SCARA5: variants seen among roughly 807,000 people sequenced by gnomAD.
SCARA5 encodes scavenger receptor class A, member 5 (putative).
Under a neutral mutation model 46.3 loss-of-function variants are expected in SCARA5, and 45 were observed. The observed-to-expected ratio is 0.97, with a 90% CI of 0.76 to 1.24. The LOEUF (loss-of-function observed/expected upper bound fraction) is 1.24, where lower values mean the gene tolerates loss of function less well. SCARA5 is among the 50% of genes most tolerant of loss of function. The probability of loss-of-function intolerance (pLI) is 0.00; values close to 1 mark genes in which losing one functional copy is unlikely to be tolerated. For missense variants in SCARA5, 680 were observed against 689.0 expected (o/e 0.99, Z 0.15); for synonymous variants, 333 against 306.5 (o/e 1.09, Z -0.90).
At chr8:27,926,831 G>T (rs1368590416) in intron 3 of SCARA5, among the ~76,000 whole-genome samples, 1 of 152,084 alleles carries the variant, frequency 6.6e-6, no homozygotes, top group Admixed American at 6.5e-5. Context: ...ATGTAGGCTG[G>T]AGCTGGCCAC....
chr8:27,937,210 C>T (rs1807872602), intron 3 of SCARA5, among the ~76,000 whole-genome samples: 1 of 152,132 alleles, frequency 6.6e-6, no homozygotes, highest in Non-Finnish European at 1.5e-5. Context: ...AAGGAAAAAC[C>T]AAGTTCCAGG....
intron 7 of SCARA5, among the ~76,000 whole-genome samples, chr8:27,895,555 G>C (rs1807050473): frequency 6.6e-6 from 1 of 152,192 alleles, no homozygotes; most frequent in African/African-American, 2.4e-5. Context: ...TGGGGTCTTT[G>C]CTGTCCTCCC....
At chr8:27,981,243 T>A (rs995607665) in intron 2 of SCARA5, among the ~76,000 whole-genome samples, 3 of 152,094 alleles carry the variant, frequency 2.0e-5, no homozygotes, top group Non-Finnish European at 2.9e-5. Context: ...TTAGGACACA[T>A]CACAGGGTTT....
chr8:27,878,327 G>T (rs1176864664), intron 8 of SCARA5, among the ~76,000 whole-genome samples: 1 of 152,168 alleles, frequency 6.6e-6, no homozygotes, highest in Admixed American at 6.5e-5. Flanking sequence ...GAAGCAACAG[G>T]GCCAGGACAT....
intron 2 of SCARA5, among the ~76,000 whole-genome samples, chr8:27,969,923 G>A (rs1157171546): frequency 6.6e-6 from 1 of 152,166 alleles, no homozygotes; most frequent in African/African-American, 2.4e-5. Flanking sequence ...CTGTGGAAAA[G>A]CCCCACTCTG....
In SCARA5 at chr8:27,978,444, A is replaced by G. The variant is rs185396739; in HGVS notation, c.112+9060T>C. On this transcript the variant is annotated intron_variant, in intron 2 of 8. Transcript: ENST00000354914. ...GCTGCTCTAGAAAGGCTTTTCACCA[A>G]TCACTGAAATCTAAATCCCATGTTC... Among the ~76,000 whole-genome samples, 246 of 152,196 alleles carry G rather than the reference A, an allele frequency of 1.6e-3. 2 individuals are homozygous for G. The highest frequency in any genetic ancestry group is 5.0e-3 in the African/African-American group (207 of 41,522).
chr8:27,977,176 C>T (rs552964094), intron 2 of SCARA5, among the ~76,000 whole-genome samples: 8 of 152,326 alleles, frequency 5.3e-5, no homozygotes, highest in Admixed American at 1.3e-4. Flanking sequence ...ATCCCACCCA[C>T]GTGGGCTCCA....
intron 7 of SCARA5, among the ~76,000 whole-genome samples, chr8:27,888,742 AG>A (rs200225516): frequency 0.01 from 1,597 of 152,316 alleles, 17 homozygotes; most frequent in African/African-American, 0.036. Flanking sequence ...CCTGTGACCA[AG>A]GTTCTTCCCT....
intron 7 of SCARA5, among the ~76,000 whole-genome samples, chr8:27,885,578 G>A (rs997122036): frequency 6.6e-6 from 1 of 152,198 alleles, no homozygotes; most frequent in African/African-American, 2.4e-5. Flanking sequence ...GGTGCTGGCT[G>A]GAGGGCATGG....
At chr8:27,990,040 G>T (rs890510902) in intron 1 of SCARA5, among the ~76,000 whole-genome samples, 1 of 152,242 alleles carries the variant, frequency 6.6e-6, no homozygotes, top group Non-Finnish European at 1.5e-5. Flanking sequence ...TGCCCCTGGG[G>T]AGTGGAGGTG....
chr8:27,918,041 A>T (rs1807491311), intron 4 of SCARA5, among the ~76,000 whole-genome samples: 1 of 152,110 alleles, frequency 6.6e-6, no homozygotes. Context: ...TGTGCACTGC[A>T]CTCTTAATGC....
intron 2 of SCARA5, among the ~76,000 whole-genome samples, chr8:27,979,624 G>A (rs1161885586): frequency 6.6e-6 from 1 of 151,820 alleles, no homozygotes; most frequent in African/African-American, 2.4e-5. Flanking sequence ...CATGATCTTG[G>A]CTCACTGCAA....
At chr8:27,924,619 C>G (rs535176597) in intron 3 of SCARA5, among the ~76,000 whole-genome samples, 4 of 152,374 alleles carry the variant, frequency 2.6e-5, no homozygotes, top group Admixed American at 2.0e-4. Flanking sequence ...TTAGTGCTGA[C>G]TGTCAGAATT....
At chr8:27,913,745 C>T (rs543353257) in intron 4 of SCARA5, among the ~76,000 whole-genome samples, 2 of 152,294 alleles carry the variant, frequency 1.3e-5, no homozygotes, top group Admixed American at 6.5e-5. Context: ...ACTCAGAGCA[C>T]GGGAAGGCCC....
At position 27,904,572 on chromosome 8, in the gene SCARA5, C is replaced by T; in HGVS notation, c.1153+206G>A. 4.6e-6 allele frequency: 3 copies of T among 647,070 alleles called. No individual in the cohort carries two copies. The South Asian group carries it at 5.6e-5, about 12-fold the overall frequency. The allele number at this position is 647,070 out of a possible 1,614,324, so 40.1% of individuals were successfully genotyped here. A position where few individuals can be genotyped will look rare whatever the true frequency, so the allele number is the denominator to read the frequency against. On this transcript the variant is annotated intron_variant, in intron 7 of 8. Transcript: ENST00000354914. ...GCACACAACCGCCAGGTTTATGACACCTCTAGAAATGTGGCCAGTGCCCCT... is the reference window on the plus strand; with the variant it reads ...GCACACAACCGCCAGGTTTATGACATCTCTAGAAATGTGGCCAGTGCCCCT...
chr8:27,941,914 C>T (rs1217205312), intron 3 of SCARA5, among the ~76,000 whole-genome samples: 1 of 151,670 alleles, frequency 6.6e-6, no homozygotes, highest in Non-Finnish European at 1.5e-5. Flanking sequence ...GCAACCTCTG[C>T]CTCCCGGATT....
At chr8:27,920,612 CA>C (rs55954197) in intron 4 of SCARA5, among the ~76,000 whole-genome samples, 3,121 of 123,720 alleles carry the variant, frequency 0.025, 110 homozygotes, top group African/African-American at 0.087. Flanking sequence ...GACTCCATCT[CA>C]AAAAAAAAAA....
At position 27,921,823 on chromosome 8, in the gene SCARA5, C is replaced by A. The variant is rs373937854; in HGVS notation, c.664G>T (p.Asp222Tyr). The part of the protein sequence containing the change: ...RVGILGEELA[D>Y]VGGVLRGLNH... ...AGGCCGCGCAGCACGCCGCCCACGT[C>A]GGCCAGCTCCTCGCCCAGGATGCCC... The change falls in exon 4 of 9, where the codon GAC becomes TAC. Residue 222 changes from aspartate to tyrosine, a missense_variant. Asp to Tyr is a radical substitution (Grantham distance 160, BLOSUM62 -3). This residue lies in a region of SCARA5 where 438 missense variants were observed against 384.5 expected (regional missense o/e 1.14). Coordinates refer to ENST00000354914, the MANE Select transcript of SCARA5 (RefSeq NM_173833.6). 16 of 1,547,332 alleles carry A rather than the reference C, an allele frequency of 1.0e-5. No homozygotes were observed. In the African/African-American group the frequency reaches 2.2e-4, roughly 21 times the overall value.
At chr8:27,945,695 G>T (rs567316020) in intron 3 of SCARA5, among the ~76,000 whole-genome samples, 1 of 152,326 alleles carries the variant, frequency 6.6e-6, no homozygotes, top group African/African-American at 2.4e-5. Flanking sequence ...TCCCCCTATA[G>T]CACCCCATGG....
Sources: gnomAD v4.1 joint callset for allele counts (sites outside exome capture counted in the v4.1 genomes callset) on GRCh38, gnomAD v4.1.1 for gene constraint, gnomAD v4.1.1 regional missense constraint, MANE v1.5 for transcripts, NCBI Gene and HGNC (gene_info 2026-07-23, HGNC 2026-07-21) for gene names.